EYS: variants seen among roughly 807,000 people sequenced by gnomAD.
The protein encoded by EYS is protein eyes shut homolog.
EYS carries 250 observed loss-of-function variants against 282.1 expected under a neutral mutation model. That is an observed-to-expected ratio of 0.89 (90% CI 0.80 to 0.98). The LOEUF (loss-of-function observed/expected upper bound fraction) is 0.98, where lower values mean the gene tolerates loss of function less well. Among genes scored for constraint, EYS ranks in the 50% least tolerant of loss-of-function variants. The probability of loss-of-function intolerance (pLI) is 0.00; values close to 1 mark genes in which losing one functional copy is unlikely to be tolerated. For synonymous variants in EYS, 1,355 were observed against 1,282.9 expected (o/e 1.06, Z -1.20); for missense variants, 4,016 against 3,709.0 (o/e 1.08, Z -2.15).
chr6:64,432,632 A>G (rs1227127280), intron 28 of EYS, among the ~76,000 whole-genome samples: 1 of 151,942 alleles, frequency 6.6e-6, no homozygotes, highest in East Asian at 1.9e-4. Flanking sequence ...ATGCATAATT[A>G]TAACTATACC....
chr6:65,326,744 A>G (rs1369699142), intron 11 of EYS, among the ~76,000 whole-genome samples: 3 of 151,522 alleles, frequency 2.0e-5, no homozygotes, highest in Non-Finnish European at 4.4e-5. Flanking sequence ...TATAATTTTA[A>G]GATTTTCTTT....
At chr6:64,466,788 A>C (rs149144512) in intron 26 of EYS, among the ~76,000 whole-genome samples, 2,484 of 152,270 alleles carry the variant, frequency 0.016, 23 homozygotes, top group South Asian at 0.035. Flanking sequence ...GATGATGTAT[A>C]TATTGATTGG....
At chr6:65,014,087 G>T (rs1213405313) in intron 13 of EYS, among the ~76,000 whole-genome samples, 1 of 152,156 alleles carries the variant, frequency 6.6e-6, no homozygotes, top group Non-Finnish European at 1.5e-5. Context: ...GCAAATGAAA[G>T]CTGTGTTTTA....
intron 34 of EYS, among the ~76,000 whole-genome samples, chr6:63,989,688 T>C (rs1311893133): frequency 6.6e-6 from 1 of 151,554 alleles, no homozygotes; most frequent in African/African-American, 2.4e-5. Flanking sequence ...CTGCTTTTCC[T>C]CAATCTCTTA....
At chr6:64,632,483 T>G (rs1039137883) in intron 22 of EYS, among the ~76,000 whole-genome samples, 38 of 151,970 alleles carry the variant, frequency 2.5e-4, no homozygotes, top group Admixed American at 5.2e-4. Flanking sequence ...TTTGCCTTGT[T>G]TTTACATAAG....
chr6:63,850,724 C>T (rs972124676), intron 36 of EYS, among the ~76,000 whole-genome samples: 9 of 152,066 alleles, frequency 5.9e-5, no homozygotes, highest in Admixed American at 1.3e-4. Context: ...CAAGAACATA[C>T]GAAAATATAA....
At chr6:64,343,539 C>G (rs552809127) in intron 29 of EYS, among the ~76,000 whole-genome samples, 1 of 152,190 alleles carries the variant, frequency 6.6e-6, no homozygotes, top group East Asian at 1.9e-4. Flanking sequence ...ACCAGAATCT[C>G]TGGGACACAT....
intron 34 of EYS, among the ~76,000 whole-genome samples, chr6:63,987,115 C>T (rs563005604): frequency 6.6e-6 from 1 of 151,670 alleles, no homozygotes; most frequent in Non-Finnish European, 1.5e-5. Flanking sequence ...ATGAATATTT[C>T]ATAGAAGCTA....
At chr6:64,176,439 G>A (rs1223070980) in intron 31 of EYS, among the ~76,000 whole-genome samples, 3 of 151,814 alleles carry the variant, frequency 2.0e-5, no homozygotes, top group Non-Finnish European at 2.9e-5. Context: ...AAATTTGATT[G>A]TAAACTTTTT....
chr6:64,492,632 T>C (rs1341585763), intron 26 of EYS, among the ~76,000 whole-genome samples: 1 of 151,256 alleles, frequency 6.6e-6, no homozygotes, highest in Non-Finnish European at 1.5e-5. Context: ...TTGAAGAATA[T>C]ACAAGATGCT....
At chr6:64,700,531 A>G (rs943732574) in intron 22 of EYS, among the ~76,000 whole-genome samples, 2 of 152,078 alleles carry the variant, frequency 1.3e-5, no homozygotes, top group African/African-American at 4.8e-5. Context: ...GACTTTAATA[A>G]TGTTCCCAAA....
intron 40 of EYS, among the ~76,000 whole-genome samples, chr6:63,775,048 T>C (rs1397635003): frequency 6.6e-6 from 1 of 152,226 alleles, no homozygotes; most frequent in East Asian, 1.9e-4. Flanking sequence ...TAGTTTTACA[T>C]TTCTTTGTTG....
chr6:64,086,072 T>C (rs1185508532), intron 31 of EYS, among the ~76,000 whole-genome samples: 1 of 152,196 alleles, frequency 6.6e-6, no homozygotes, highest in African/African-American at 2.4e-5. Context: ...ATAACACACA[T>C]AGTTTCCAAG....
In EYS at chr6:65,295,616, C is replaced by T. The variant is rs1768638688; in HGVS notation, c.2023+247G>A. The T allele has an allele frequency of 2.5e-5, 12 of 483,226 alleles. No homozygotes were observed. The East Asian group carries it at 3.1e-4, about 12-fold the overall frequency. 29.9% of individuals were successfully genotyped at this position (483,226 alleles called of 1,614,324 possible). ...CCTTTGACATATACCATCATATTCC[C>T]AATGCTTCAGCCTGACCTTATTAGT... On this transcript the variant is annotated intron_variant, in intron 12 of 42. Transcript: ENST00000503581.
chr6:64,032,203 G>C (rs1336574026), intron 33 of EYS, among the ~76,000 whole-genome samples: 1 of 151,980 alleles, frequency 6.6e-6, no homozygotes, highest in Non-Finnish European at 1.5e-5. Context: ...AAGAAACTCT[G>C]AACACATCCG....
At chr6:65,104,664 G>T (rs951640231) in intron 12 of EYS, among the ~76,000 whole-genome samples, 56 of 151,252 alleles carry the variant, frequency 3.7e-4, no homozygotes, top group African/African-American at 1.3e-3. Flanking sequence ...CTCCTAAAAT[G>T]CATATCACGA....
chr6:64,006,631 C>G (rs1768360392), intron 33 of EYS, among the ~76,000 whole-genome samples: 1 of 152,046 alleles, frequency 6.6e-6, no homozygotes, highest in Admixed American at 6.6e-5. Flanking sequence ...GATTTGTTAT[C>G]AATGGCTCTT....
intron 5 of EYS, among the ~76,000 whole-genome samples, chr6:65,422,209 G>A (rs1427767987): frequency 6.6e-6 from 1 of 151,868 alleles, no homozygotes; most frequent in Non-Finnish European, 1.5e-5. Context: ...ATAGCCACAT[G>A]GCTTGTGGTT....
chr6:65,397,282 T>C (rs1255686590), intron 7 of EYS, among the ~76,000 whole-genome samples: 1 of 151,992 alleles, frequency 6.6e-6, no homozygotes, highest in East Asian at 1.9e-4. Flanking sequence ...GTATATTACA[T>C]AGCGGTGAAG....
Sources: gnomAD v4.1 joint callset for allele counts (sites outside exome capture counted in the v4.1 genomes callset) on GRCh38, gnomAD v4.1.1 for gene constraint, MANE v1.5 for transcripts, NCBI Gene and HGNC (gene_info 2026-07-23, HGNC 2026-07-21) for gene names.